The following PATJ variants were observed in gnomAD, a reference collection of about 807,000 sequenced individuals.
PATJ encodes the protein PATJ crumbs cell polarity complex component, also known as inaD-like protein.
Under a neutral mutation model 224.9 loss-of-function variants are expected in PATJ, and 190 were observed. The ratio of observed to expected loss-of-function variants is 0.84; its 90% CI spans 0.75 to 0.95. The LOEUF (loss-of-function observed/expected upper bound fraction) is 0.95, where lower values mean the gene tolerates loss of function less well. Among genes scored for constraint, PATJ ranks in the 40% least tolerant of loss-of-function variants. PATJ has a pLI of 0.00. For missense variants in PATJ, 2,121 were observed against 2,270.3 expected (o/e 0.93, Z 1.34); for synonymous variants, 769 against 820.3 (o/e 0.94, Z 1.07).
At chr1:61,767,889 A>G (rs1227439848) in intron 4 of PATJ, among the ~76,000 whole-genome samples, 1 of 151,370 alleles carries the variant, frequency 6.6e-6, no homozygotes, top group Non-Finnish European at 1.5e-5. Context: ...GTTGGCCATG[A>G]TAGTCTCTCC....
intron 11 of PATJ, among the ~76,000 whole-genome samples, chr1:61,800,562 A>G (rs1652258527): frequency 6.6e-6 from 1 of 152,130 alleles, no homozygotes; most frequent in Non-Finnish European, 1.5e-5. Context: ...CTATTTTGCT[A>G]TGCAGAAGCT....
At chr1:61,922,168 A>G (rs1185638355) in intron 26 of PATJ, among the ~76,000 whole-genome samples, 1 of 152,020 alleles carries the variant, frequency 6.6e-6, no homozygotes, top group Non-Finnish European at 1.5e-5. Flanking sequence ...TCAGACTCCT[A>G]AATAGCTGGG....
At chr1:61,971,199 T>C (rs1271420640) in intron 27 of PATJ, among the ~76,000 whole-genome samples, 1 of 152,210 alleles carries the variant, frequency 6.6e-6, no homozygotes, top group African/African-American at 2.4e-5. Context: ...ATTTCATGGC[T>C]AGAAAGTAGA....
intron 11 of PATJ, among the ~76,000 whole-genome samples, chr1:61,800,411 C>A (rs1029104413): frequency 6.6e-6 from 1 of 152,120 alleles, no homozygotes; most frequent in Non-Finnish European, 1.5e-5. Flanking sequence ...GTCTTTTGCC[C>A]ACTTTTTAAT....
chr1:62,071,638 C>A (rs1359449195), intron 31 of PATJ, among the ~76,000 whole-genome samples: 1 of 151,906 alleles, frequency 6.6e-6, no homozygotes, highest in Non-Finnish European at 1.5e-5. Context: ...GGATTACAGG[C>A]ACCCAGCTAA....
intron 21 of PATJ, 33 bp from the exon 22 acceptor site, chr1:61,884,204 T>C: frequency 6.5e-7 from 1 of 1,545,114 alleles, no homozygotes; most frequent in Non-Finnish European, 8.7e-7. Flanking sequence ...TGAGTGCCTC[T>C]TGTGTTCACT....
chr1:61,959,270 ATATG>A (rs1226291331), intron 27 of PATJ, among the ~76,000 whole-genome samples: 1 of 151,924 alleles, frequency 6.6e-6, no homozygotes, highest in Non-Finnish European at 1.5e-5. Context: ...CAGATAATAA[ATATG>A]TATAACATCT....
At chr1:61,872,453 T>C (rs1345878463) in intron 20 of PATJ, among the ~76,000 whole-genome samples, 1 of 152,134 alleles carries the variant, frequency 6.6e-6, no homozygotes, top group Non-Finnish European at 1.5e-5. Flanking sequence ...TCATCAACTA[T>C]GCCATCCAGA....
At chr1:61,963,644 C>G in intron 27 of PATJ, among the ~76,000 whole-genome samples, 1 of 151,964 alleles carries the variant, frequency 6.6e-6, no homozygotes, top group East Asian at 1.9e-4. Flanking sequence ...ATTTACTATT[C>G]ATTAAGTGGA....
chr1:62,063,978 C>T (rs963621470), intron 31 of PATJ, among the ~76,000 whole-genome samples: 11 of 152,070 alleles, frequency 7.2e-5, no homozygotes, highest in South Asian at 4.1e-4. Flanking sequence ...TTCTCCTATT[C>T]GAATGCCTTT....
Position 61,822,850 on chromosome 1 carries a change from G to C in PATJ, c.1684-95G>C, listed in dbSNP as rs1657558792. ...AGGATTTTGGTGATCTAATTCAAGA[G>C]GTGGGGTTTTTCACTTCAAAATAGC... On this transcript the variant is annotated intron_variant, in intron 14 of 43. Transcript: ENST00000642238. 2.1e-6 allele frequency: 3 copies of C among 1,401,962 alleles called. No individual in the cohort carries two copies. In the Admixed American group the frequency reaches 6.2e-5, roughly 29 times the overall value. 86.8% of individuals were successfully genotyped at this position (1,401,962 alleles called of 1,614,324 possible). A position where few individuals can be genotyped will look rare whatever the true frequency, so the allele number is the denominator to read the frequency against.
intron 43 of PATJ, among the ~76,000 whole-genome samples, chr1:62,154,392 G>A (rs1668948628): frequency 6.6e-6 from 1 of 151,908 alleles, no homozygotes; most frequent in Admixed American, 6.6e-5. Flanking sequence ...TTCGAGGCTG[G>A]GCATAGTGGC....
chr1:61,919,985 AAACT>A (rs1284640878), intron 26 of PATJ, among the ~76,000 whole-genome samples: 12 of 152,320 alleles, frequency 7.9e-5, no homozygotes, highest in East Asian at 1.9e-4. Context: ...TTGATAGATC[AAACT>A]AACTATTTGA....
At chr1:62,059,612 A>G (rs1655092516) in intron 31 of PATJ, among the ~76,000 whole-genome samples, 1 of 151,938 alleles carries the variant, frequency 6.6e-6, no homozygotes, top group Non-Finnish European at 1.5e-5. Context: ...GCGAGACTCC[A>G]TCTCAAAAAA....
intron 41 of PATJ, among the ~76,000 whole-genome samples, chr1:62,142,702 C>T (rs1458461821): frequency 2.0e-5 from 3 of 152,168 alleles, no homozygotes; most frequent in Middle Eastern, 3.4e-3. Context: ...AAATTAAACA[C>T]GGATGGTCAA....
intron 17 of PATJ, among the ~76,000 whole-genome samples, chr1:61,847,733 T>C (rs921428518): frequency 6.6e-6 from 1 of 152,206 alleles, no homozygotes; most frequent in African/African-American, 2.4e-5. Context: ...AAGTAAATGC[T>C]TAGCTTATTG....
chr1:61,877,681 C>G (rs1467994681), intron 21 of PATJ, among the ~76,000 whole-genome samples: 1 of 152,102 alleles, frequency 6.6e-6, no homozygotes, highest in Non-Finnish European at 1.5e-5. Context: ...TTCCTGAGGC[C>G]TTCCTAGCCA....
intron 14 of PATJ, among the ~76,000 whole-genome samples, chr1:61,822,442 AAAAAG>A (rs1293418816): frequency 3.8e-4 from 58 of 151,594 alleles, no homozygotes; most frequent in Non-Finnish European, 4.6e-4. Context: ...AAAAAAAAAA[AAAAAG>A]AAAAGAAAAG....
At chr1:61,975,323 T>C (rs72914069) in intron 27 of PATJ, among the ~76,000 whole-genome samples, 1,963 of 152,174 alleles carry the variant, frequency 0.013, 73 homozygotes, top group African/African-American at 0.044. Context: ...TGTTATGTGA[T>C]TGAAAGATCT....
Sources: allele counts gnomAD v4.1 joint callset (sites outside exome capture counted in the v4.1 genomes callset), GRCh38; gene constraint gnomAD v4.1.1; transcripts MANE v1.5; gene names NCBI Gene and HGNC (gene_info 2026-07-23, HGNC 2026-07-21).